LYSMD1: variants seen among roughly 807,000 people sequenced by gnomAD.
LYSMD1 encodes the protein LysM domain containing 1, also known as lysM and putative peptidoglycan-binding domain-containing protein 1.
Under a neutral mutation model 19.3 loss-of-function variants are expected in LYSMD1, and 9 were observed. The ratio of observed to expected loss-of-function variants is 0.47; its 90% CI spans 0.28 to 0.81. The LOEUF is 0.81. Among genes scored for constraint, LYSMD1 ranks in the 40% least tolerant of loss-of-function variants. The pLI, the probability that LYSMD1 is intolerant of heterozygous loss-of-function variation, is 0.11. For synonymous variants in LYSMD1, 111 were observed against 111.7 expected (o/e 0.99, Z 0.04); for missense variants, 262 against 279.8 (o/e 0.94, Z 0.45).
the LYSMD1 span, among the ~76,000 whole-genome samples, chr1:151,152,873 G>A: frequency 3.7e-3 from 556 of 152,120 alleles, 3 homozygotes; most frequent in South Asian, 8.9e-3. Context: ...AACAAACATC[G>A]GACTGTTCCA....
At position 151,165,065 on chromosome 1, in the gene LYSMD1, C is replaced by A. The variant is rs1181950662; in HGVS notation, c.180+14G>T. 3 of 1,611,416 alleles carry A rather than the reference C, an allele frequency of 1.9e-6. No individual in the cohort carries two copies. The highest frequency in any genetic ancestry group is 2.5e-6 in the Non-Finnish European group (3 of 1,178,048). On this transcript the variant is annotated intron_variant, in intron 1 of 2. Transcript: ENST00000368908. ...TCCTGACTGTTGTCTTCACCCCAAT[C>A]CTGGAAAACTCACCGTCACCCCATA... is the stretch of plus-strand genomic sequence containing the variant.
chr1:151,149,925 AG>A, the LYSMD1 span, among the ~76,000 whole-genome samples: 1 of 152,198 alleles, frequency 6.6e-6, no homozygotes, highest in East Asian at 1.9e-4. Context: ...TAATAAAGTG[AG>A]AATTCCACCA....
downstream of LYSMD1, among the ~76,000 whole-genome samples, chr1:151,156,211 G>T (rs968226628): frequency 2.0e-5 from 3 of 150,744 alleles, no homozygotes; most frequent in Non-Finnish European, 2.9e-5. Flanking sequence ...CAGCAGCCCT[G>T]GTCCCAGCAC....
At chr1:151,152,570 C>T in the LYSMD1 span, among the ~76,000 whole-genome samples, 74 of 150,718 alleles carry the variant, frequency 4.9e-4, 2 homozygotes, top group Middle Eastern at 0.01. Flanking sequence ...CGTGGGGGTG[C>T]GCGCCTGTAA....
At chr1:151,149,172 C>T in the LYSMD1 span, among the ~76,000 whole-genome samples, 122 of 152,208 alleles carry the variant, frequency 8.0e-4, no homozygotes, top group Middle Eastern at 6.8e-3. Context: ...GGGCAGATCA[C>T]CTGAGGTCAG....
chr1:151,165,877 T>C lies in LYSMD1; in HGVS notation c.-619A>G, dbSNP rs1053532375. On this transcript the variant is annotated 5_prime_UTR_variant, in exon 1 of 3. Transcript: ENST00000368908. ...CCAAGATGCAAGGGCCTGGATCCAG[T>C]TGAGCGGCAAGGTCTTTGAGAAAAG... is the stretch of plus-strand genomic sequence containing the variant. 1.8e-5 allele frequency: 20 copies of C among 1,099,554 alleles called. No individual in the cohort carries two copies. Among genetic ancestry groups the C allele is most frequent in the South Asian group, 9.4e-5 (7 of 74,726 alleles). 68.1% of individuals were successfully genotyped at this position (1,099,554 alleles called of 1,614,324 possible).
chr1:151,152,043 AAAAC>A, the LYSMD1 span, among the ~76,000 whole-genome samples: 1 of 152,098 alleles, frequency 6.6e-6, no homozygotes, highest in Non-Finnish European at 1.5e-5. Context: ...TCAAAGATTA[AAAAC>A]AAACAAACAT....
rs587696008 is a variant in LYSMD1 at position 151,165,232 on chromosome 1, C to A, written c.27G>T (p.Pro9=). Residue 9 remains proline (P), a synonymous_variant, in exon 1 of 3, where the codon CCG becomes CCT. Coordinates refer to ENST00000368908, the MANE Select transcript of LYSMD1 (RefSeq NM_212551.5). MASPSRQP[P]PGGSGLLQGS... ...CTTGAAGCAGTCCTGACCCCCCTGGCGGGGGCTGTCTAGACGGGGAAGCCA... is the reference window on the plus strand; with the variant it reads ...CTTGAAGCAGTCCTGACCCCCCTGGAGGGGGCTGTCTAGACGGGGAAGCCA... 2 of 1,613,884 alleles carry A rather than the reference C, an allele frequency of 1.2e-6. No homozygotes were observed. The highest frequency in any genetic ancestry group is 2.2e-5 in the South Asian group (2 of 91,052).
the LYSMD1 span, among the ~76,000 whole-genome samples, chr1:151,154,239 G>A: frequency 6.6e-6 from 1 of 152,094 alleles, no homozygotes; most frequent in South Asian, 2.1e-4. Flanking sequence ...CAGCACTTTG[G>A]GAGGCCAAGA....
chr1:151,161,343 A>G (rs1211372265), intron 2 of LYSMD1, among the ~76,000 whole-genome samples: 1 of 152,098 alleles, frequency 6.6e-6, no homozygotes, highest in African/African-American at 2.4e-5. Context: ...TAAAAATACA[A>G]AATATTAGCC....
the LYSMD1 span, among the ~76,000 whole-genome samples, chr1:151,148,997 G>A: frequency 6.6e-6 from 1 of 152,120 alleles, no homozygotes; most frequent in African/African-American, 2.4e-5. Flanking sequence ...AAGTAAACAA[G>A]GTTTAAAGGT....
At chr1:151,164,569 T>G (rs964088126) in intron 1 of LYSMD1, among the ~76,000 whole-genome samples, 2 of 152,170 alleles carry the variant, frequency 1.3e-5, no homozygotes, top group Admixed American at 6.5e-5. Context: ...GGCAGAGCAT[T>G]GAGGAGGAAC....
the LYSMD1 span, among the ~76,000 whole-genome samples, chr1:151,148,639 G>A: frequency 6.6e-6 from 1 of 152,176 alleles, no homozygotes; most frequent in Non-Finnish European, 1.5e-5. Context: ...ACAGAAAGAT[G>A]CTGGATACAT....
Position 151,165,469 on chromosome 1 carries a change from A to G in LYSMD1, c.-211T>C. 2.1e-6 allele frequency: 3 copies of G among 1,432,892 alleles called. No individual in the cohort carries two copies. Among genetic ancestry groups the G allele is most frequent in the Non-Finnish European group, 2.7e-6 (3 of 1,100,218 alleles). The allele number at this position is 1,432,892 out of a possible 1,614,324, so 88.8% of individuals were successfully genotyped here. A position where few individuals can be genotyped will look rare whatever the true frequency, so the allele number is the denominator to read the frequency against. ...TTATCCACAAATCTGTCCCTTGAGT[A>G]TTCAGTCCCTCCCTAATTCTCCCCT... On this transcript the variant is annotated 5_prime_UTR_variant, in exon 1 of 3. Coordinates refer to ENST00000368908, the MANE Select transcript of LYSMD1 (RefSeq NM_212551.5).
At chr1:151,148,838 A>G in the LYSMD1 span, among the ~76,000 whole-genome samples, 1 of 152,154 alleles carries the variant, frequency 6.6e-6, no homozygotes, top group Non-Finnish European at 1.5e-5. Context: ...GGGAGGGAAA[A>G]GGGGAAGACA....
chr1:151,150,963 T>G, the LYSMD1 span, among the ~76,000 whole-genome samples: 1 of 152,022 alleles, frequency 6.6e-6, no homozygotes, highest in Admixed American at 6.6e-5. Flanking sequence ...GGTCTCGAAC[T>G]CCTGACCTCA....
the LYSMD1 span, among the ~76,000 whole-genome samples, chr1:151,152,221 C>A: frequency 6.6e-6 from 1 of 151,556 alleles, no homozygotes; most frequent in East Asian, 1.9e-4. Flanking sequence ...CATGGTGAAA[C>A]CCCGTGTCGA....
chr1:151,154,643 T>G, the LYSMD1 span, among the ~76,000 whole-genome samples: 2 of 152,080 alleles, frequency 1.3e-5, no homozygotes, highest in African/African-American at 2.4e-5. Context: ...TTATTCTTTT[T>G]CTTTTTTCTT....
downstream of LYSMD1, among the ~76,000 whole-genome samples, chr1:151,158,318 G>C (rs1325132893): frequency 7.0e-6 from 1 of 141,864 alleles, no homozygotes; most frequent in Admixed American, 7.1e-5. Context: ...GCAAGACTCC[G>C]TCTCAAAAAA....
Sources: allele counts gnomAD v4.1 joint callset (sites outside exome capture counted in the v4.1 genomes callset), GRCh38; gene constraint gnomAD v4.1.1; transcripts MANE v1.5; gene names NCBI Gene and HGNC (gene_info 2026-07-23, HGNC 2026-07-21).